Variants in ANK2 observed in about 807,000 individuals in gnomAD.
The protein encoded by ANK2 is ankyrin-2.
A neutral mutation model predicts 360.5 loss-of-function variants in ANK2; 83 were observed. The observed-to-expected ratio is 0.23, with a 90% confidence interval of 0.19 to 0.28. The LOEUF (loss-of-function observed/expected upper bound fraction) is 0.28, where lower values mean the gene tolerates loss of function less well. ANK2 is among the 10% of genes least tolerant of loss of function. ANK2 has a pLI of 1.00. For synonymous variants in ANK2, 1,740 were observed against 1,759.5 expected, an observed-to-expected ratio of 0.99 and a Z score of 0.28; for missense variants, 4,201 against 4,795.7, an observed-to-expected ratio of 0.88 and a Z score of 3.66.
At chr4:113,362,566 T>G (rs2096283704) in intron 39 of ANK2, among the ~76,000 whole-genome samples, 2 of 152,150 alleles carry the variant, frequency 1.3e-5, no homozygotes, top group East Asian at 1.9e-4. Context: ...TGCCCCAGCC[T>G]CCTGAGTAGC....
At position 113,150,540 on chromosome 4, in the gene ANK2, A is replaced by G. The variant is rs563799158; in HGVS notation, c.85-23876A>G. Among the ~76,000 whole-genome samples the G allele has an allele frequency of 2.6e-5, 4 of 152,334 alleles. No homozygotes were observed. The East Asian group carries it at 7.7e-4, about 29-fold the overall frequency. ...CATGTATTCAGCCAGGCATGGGCCT[A>G]CCAAGATGAGTAGGACATGCAAACT... is the stretch of plus-strand genomic sequence containing the variant. On this transcript the variant is annotated intron_variant, in intron 1 of 45. Coordinates refer to ENST00000357077, the MANE Select transcript of ANK2 (RefSeq NM_001148.6).
At chr4:112,733,447 A>T in the ANK2 span, among the ~76,000 whole-genome samples, 15 of 152,278 alleles carry the variant, frequency 9.9e-5, no homozygotes, top group East Asian at 2.9e-3. Flanking sequence ...CTAGTGACAA[A>T]GCATTAGTTC....
At position 113,016,949 on chromosome 4, in the gene ANK2, G is replaced by A. The variant is rs1454979019; in HGVS notation, c.21+112435G>A. Among the ~76,000 whole-genome samples, 9 of 152,080 alleles carry A rather than the reference G, an allele frequency of 5.9e-5. No homozygotes were observed. In the East Asian group the frequency reaches 1.7e-3, roughly 29 times the overall value. ...GGGTCACTTCTCCATACTCTGGCCT[G>A]AATACCTTCTCCAGCAGGTGAAGGT... is the stretch of plus-strand genomic sequence containing the variant. On this transcript the variant is annotated intron_variant, in intron 2 of 30. Transcript: ENST00000503271.
At chr4:113,047,004 G>A (rs6856101), upstream of ANK2, among the ~76,000 whole-genome samples, 104,483 of 152,200 alleles carry the variant, frequency 0.69, 37,108 homozygotes, top group East Asian at 0.93. Flanking sequence ...ATTGAAAAAC[G>A]TGTTCTGACT....
At chr4:113,029,189 C>A (rs2059874485) in intron 2 of ANK2, among the ~76,000 whole-genome samples, 1 of 151,878 alleles carries the variant, frequency 6.6e-6, no homozygotes, top group African/African-American at 2.4e-5. Flanking sequence ...TTTAAGAAAG[C>A]AAAATTATTC....
At chr4:113,122,549 C>T (rs1018955185) in intron 1 of ANK2, among the ~76,000 whole-genome samples, 5 of 152,034 alleles carry the variant, frequency 3.3e-5, no homozygotes, top group African/African-American at 1.2e-4. Flanking sequence ...ATCAGTATGT[C>T]AGTATTTCCA....
At chr4:112,723,253 A>C in the ANK2 span, among the ~76,000 whole-genome samples, 1 of 152,208 alleles carries the variant, frequency 6.6e-6, no homozygotes, top group Non-Finnish European at 1.5e-5. Context: ...AGTAGTTTTC[A>C]AGTTCTTTTC....
chr4:113,011,174 G>A (rs1506065), intron 2 of ANK2, among the ~76,000 whole-genome samples: 84,833 of 151,942 alleles, frequency 0.56, 25,540 homozygotes, highest in Non-Finnish European at 0.69. Flanking sequence ...AATCAATTTC[G>A]CTAATGTCAC....
chr4:112,989,990 T>G (rs2352222), intron 2 of ANK2, among the ~76,000 whole-genome samples: 42,514 of 152,090 alleles, frequency 0.28, 6,325 homozygotes, highest in East Asian at 0.44. Flanking sequence ...TCAGGTATTG[T>G]CTGGGCACAG....
At chr4:113,080,884 A>G (rs967160067) in intron 1 of ANK2, among the ~76,000 whole-genome samples, 1 of 152,196 alleles carries the variant, frequency 6.6e-6, no homozygotes, top group East Asian at 1.9e-4. Context: ...ATGGAGAGGA[A>G]GAGGATGGGC....
intron 1 of ANK2, among the ~76,000 whole-genome samples, chr4:112,876,892 T>C (rs188157724): frequency 6.6e-6 from 1 of 152,256 alleles, no homozygotes; most frequent in African/African-American, 2.4e-5. Context: ...TAGAGATAAT[T>C]TGTTGCACTG....
the ANK2 span, among the ~76,000 whole-genome samples, chr4:112,800,399 G>T: frequency 6.6e-6 from 1 of 152,160 alleles, no homozygotes; most frequent in African/African-American, 2.4e-5. Context: ...TCTAGCGTGT[G>T]TGTGTATGTG....
chr4:112,977,511 T>C (rs2041817781), intron 2 of ANK2, among the ~76,000 whole-genome samples: 1 of 151,882 alleles, frequency 6.6e-6, no homozygotes, highest in Non-Finnish European at 1.5e-5. Context: ...CAATTCTCCT[T>C]TAAACATTTA....
At chr4:112,707,324 G>A in the ANK2 span, among the ~76,000 whole-genome samples, 3 of 152,200 alleles carry the variant, frequency 2.0e-5, no homozygotes, top group African/African-American at 7.2e-5. Context: ...TGTGTAAGTA[G>A]TGTTATATTA....
chr4:112,853,118 G>A (rs560697817), intron 1 of ANK2, among the ~76,000 whole-genome samples: 15 of 152,168 alleles, frequency 9.9e-5, no homozygotes, highest in African/African-American at 3.6e-4. Flanking sequence ...CGCCAGGCTA[G>A]AGTGCTGTGG....
At chr4:113,368,144 C>T (rs1368781366) in intron 42 of ANK2, among the ~76,000 whole-genome samples, 1 of 152,158 alleles carries the variant, frequency 6.6e-6, no homozygotes, top group African/African-American at 2.4e-5. Context: ...ATAATACACA[C>T]TTGACTCATC....
chr4:112,773,527 C>G, the ANK2 span, among the ~76,000 whole-genome samples: 3 of 152,170 alleles, frequency 2.0e-5, no homozygotes, highest in Admixed American at 2.0e-4. Context: ...AAGATTATTA[C>G]TACTTTTCTG....
At chr4:112,722,292 A>G in the ANK2 span, among the ~76,000 whole-genome samples, 1 of 152,140 alleles carries the variant, frequency 6.6e-6, no homozygotes, top group Non-Finnish European at 1.5e-5. Context: ...TCTCTCTGCA[A>G]ATGATAAAGC....
At chr4:113,365,826 T>G (rs994749697) in intron 41 of ANK2, among the ~76,000 whole-genome samples, 10 of 152,170 alleles carry the variant, frequency 6.6e-5, no homozygotes, top group Non-Finnish European at 1.2e-4. Context: ...ATGTCTATAT[T>G]TTTCCACCAC....
Sources: allele counts gnomAD v4.1 joint callset (sites outside exome capture counted in the v4.1 genomes callset), GRCh38; gene constraint gnomAD v4.1.1; transcripts MANE v1.5; gene names NCBI Gene and HGNC (gene_info 2026-07-23, HGNC 2026-07-21).